USP6NL: variants seen among roughly 807,000 people sequenced by gnomAD.
The protein encoded by USP6NL is USP6 N-terminal-like protein.
A neutral mutation model predicts 61.9 loss-of-function variants in USP6NL; 26 were observed. The observed-to-expected ratio is 0.42, with a 90% CI of 0.31 to 0.58. USP6NL has a LOEUF of 0.58. Ranked by LOEUF, USP6NL falls within the 20% of genes least tolerant of loss-of-function variation. The pLI is 0.16. For missense variants in USP6NL, 1,114 were observed against 1,034.3 expected (o/e 1.08, Z -1.06); for synonymous variants, 432 against 390.1 (o/e 1.11, Z -1.27).
At chr10:11,505,995 A>G (rs1272129385) in intron 6 of USP6NL, among the ~76,000 whole-genome samples, 1 of 152,178 alleles carries the variant, frequency 6.6e-6, no homozygotes, top group Non-Finnish European at 1.5e-5. Flanking sequence ...ACAAGGCCCT[A>G]CTGTGTTTTA....
rs573024318 is a variant in USP6NL at position 11,462,729 on chromosome 10, G to A, written c.2199C>T (p.Asn733=). The change falls in exon 15 of 15, where the codon AAC becomes AAT. Residue 733 remains asparagine (N), a synonymous_variant. Coordinates refer to ENST00000609104, the MANE Select transcript of USP6NL (RefSeq NM_014688.5). Reference sequence around the variant, plus strand: ...TATAACTAACTTCTGACCATGTTCTGTTATCTGGCAAGTAATCCACTGGTG... The same window carrying A: ...TATAACTAACTTCTGACCATGTTCTATTATCTGGCAAGTAATCCACTGGTG... ...IIPPVDYLPD[N]RTWSEVSYTY... 8.1e-6 allele frequency: 13 copies of A among 1,614,024 alleles called. No individual in the cohort carries two copies. The South Asian group carries it at 8.8e-5, about 11-fold the overall frequency.
Position 11,470,050 on chromosome 10 carries a change from G to A in USP6NL, c.1079-6201C>T. Reference sequence around the variant, plus strand: ...GCTTACGTTTCCAGGGAGGCCCTCAGGCCCCCGGGGCAGCGCTGTGGAGGT... The same window carrying A: ...GCTTACGTTTCCAGGGAGGCCCTCAAGCCCCCGGGGCAGCGCTGTGGAGGT... On this transcript the variant is annotated intron_variant, in intron 14 of 14. Transcript: ENST00000609104. This position sits in a 1 kb window ranked among gnomAD's most constrained non-coding sequence, Gnocchi z 5.4. Among the ~76,000 whole-genome samples the A allele has an allele frequency of 6.6e-6, 1 of 152,224 alleles. No homozygotes were observed. Among genetic ancestry groups the A allele is most frequent in the Non-Finnish European group, 1.5e-5 (1 of 68,038 alleles).
In USP6NL at chr10:11,524,613, A is replaced by C. The variant is rs4534481; in HGVS notation, c.155+773T>G. Among the ~76,000 whole-genome samples the C allele has an allele frequency of 4.1e-4, 63 of 152,366 alleles. 1 individual carries two copies. The South Asian group carries it at 0.011, about 26-fold the overall frequency. On this transcript the variant is annotated intron_variant, in intron 4 of 14. Coordinates refer to ENST00000609104, the MANE Select transcript of USP6NL (RefSeq NM_014688.5). ...CTGTACATTACTGTGAACTATACAA[A>C]AAACGAATGTTTTTCCTTCAAAATT...
At chr10:11,549,546 G>C (rs75524886) in intron 2 of USP6NL, among the ~76,000 whole-genome samples, 1 of 151,972 alleles carries the variant, frequency 6.6e-6, no homozygotes, top group East Asian at 1.9e-4. Context: ...TTTTAAATGT[G>C]AACTCAAAGA....
chr10:11,564,354 T>C (rs1159542667), intron 2 of USP6NL: 1 of 152,196 alleles, frequency 6.6e-6, no homozygotes, highest in Non-Finnish European at 1.5e-5. Flanking sequence ...CTAGAGAAGA[T>C]TACTGGGCAG....
chr10:11,494,988 C>A (rs192824244), intron 7 of USP6NL, among the ~76,000 whole-genome samples: 1,548 of 152,170 alleles, frequency 0.01, 29 homozygotes, highest in African/African-American at 0.033. Flanking sequence ...CTCTAAACTC[C>A]CCCGGGGAAA....
chr10:11,469,541 T>C (rs1832640905), intron 14 of USP6NL, among the ~76,000 whole-genome samples: 1 of 152,232 alleles, frequency 6.6e-6, no homozygotes, highest in Non-Finnish European at 1.5e-5. Context: ...AAGAGGAATA[T>C]GGCAAATACC....
At chr10:11,594,561 C>G (rs1424882477) in intron 2 of USP6NL, among the ~76,000 whole-genome samples, 4 of 152,162 alleles carry the variant, frequency 2.6e-5, no homozygotes, top group Non-Finnish European at 5.9e-5. Flanking sequence ...TTTACAATCC[C>G]CCTTCCTATC....
At chr10:11,588,345 A>G (rs950810) in intron 2 of USP6NL, among the ~76,000 whole-genome samples, 17,248 of 152,254 alleles carry the variant, frequency 0.11, 1,293 homozygotes, top group East Asian at 0.16. Context: ...AGTCTAATCT[A>G]TCTATGTGAT....
chr10:11,559,741 C>T (rs1165632637), intron 2 of USP6NL, among the ~76,000 whole-genome samples: 1 of 152,146 alleles, frequency 6.6e-6, no homozygotes, highest in Non-Finnish European at 1.5e-5. Context: ...AGATAGATGG[C>T]TGCTTTCAAC....
At chr10:11,569,997 T>G (rs147971269) in intron 2 of USP6NL, among the ~76,000 whole-genome samples, 3 of 152,328 alleles carry the variant, frequency 2.0e-5, no homozygotes, top group East Asian at 3.9e-4. Context: ...TGCCCTCTCT[T>G]ATCTTCATGA....
intron 2 of USP6NL, among the ~76,000 whole-genome samples, chr10:11,552,524 G>C (rs1306971380): frequency 6.6e-6 from 1 of 152,198 alleles, no homozygotes; most frequent in African/African-American, 2.4e-5. Context: ...CTACGGATAG[G>C]GGTGGCTGTG....
chr10:11,533,632 G>T (rs1835735226), intron 2 of USP6NL, among the ~76,000 whole-genome samples: 1 of 152,134 alleles, frequency 6.6e-6, no homozygotes, highest in Non-Finnish European at 1.5e-5. Flanking sequence ...CAAGGAAATG[G>T]ATTTTCCCCT....
chr10:11,483,124 C>G (rs1833274494), intron 13 of USP6NL, among the ~76,000 whole-genome samples: 1 of 152,182 alleles, frequency 6.6e-6, no homozygotes, highest in South Asian at 2.1e-4. Context: ...GCATCTCCTC[C>G]CATCCCGCAG....
chr10:11,486,843 T>TC (rs1269221763), intron 10 of USP6NL, among the ~76,000 whole-genome samples: 3 of 152,092 alleles, frequency 2.0e-5, no homozygotes, highest in South Asian at 4.1e-4. Flanking sequence ...GAGTCCATTT[T>TC]CCCCCCAGAA....
At chr10:11,558,217 C>T (rs904436503) in intron 2 of USP6NL, among the ~76,000 whole-genome samples, 14 of 152,294 alleles carry the variant, frequency 9.2e-5, no homozygotes, top group African/African-American at 3.1e-4. Context: ...GCTCCTTTGT[C>T]CCCCAACTAA....
At chr10:11,484,287 A>C (rs1833365434) in intron 13 of USP6NL, among the ~76,000 whole-genome samples, 1 of 152,204 alleles carries the variant, frequency 6.6e-6, no homozygotes, top group East Asian at 1.9e-4. Context: ...AAAGATGAAC[A>C]AGGTTCTTCA....
At chr10:11,599,647 T>C (rs1838444366) in intron 1 of USP6NL, among the ~76,000 whole-genome samples, 1 of 152,006 alleles carries the variant, frequency 6.6e-6, no homozygotes, top group South Asian at 2.1e-4. Context: ...GAAACATTTA[T>C]AAATGACATA....
intron 2 of USP6NL, among the ~76,000 whole-genome samples, chr10:11,547,777 T>C (rs1361001037): frequency 6.6e-6 from 1 of 152,094 alleles, no homozygotes; most frequent in East Asian, 1.9e-4. Flanking sequence ...CCTGACCTCG[T>C]GATCCGCCCG....
Sources: gnomAD v4.1 joint callset for allele counts (sites outside exome capture counted in the v4.1 genomes callset) on GRCh38, gnomAD v4.1.1 for gene constraint, Gnocchi (gnomAD v3.1) non-coding constraint, MANE v1.5 for transcripts, NCBI Gene and HGNC (gene_info 2026-07-23, HGNC 2026-07-21) for gene names.